The following DHRS3 variants were observed in gnomAD, a reference collection of about 807,000 sequenced individuals.
DHRS3 encodes the protein dehydrogenase/reductase 3, also known as short-chain dehydrogenase/reductase 3.
DHRS3 carries 14 observed loss-of-function variants against 27.2 expected under a neutral mutation model. The observed-to-expected ratio is 0.52, with a 90% CI of 0.34 to 0.81. The LOEUF is 0.81. Among genes scored for constraint, DHRS3 ranks in the 30% least tolerant of loss-of-function variants. The probability of loss-of-function intolerance (pLI) is 0.01; values close to 1 mark genes in which losing one functional copy is unlikely to be tolerated. For missense variants in DHRS3, 322 were observed against 406.2 expected (o/e 0.79, Z 1.78); for synonymous variants, 165 against 175.9 (o/e 0.94, Z 0.49).
At chr1:12,571,645 C>T (rs943837612) in intron 5 of DHRS3, among the ~76,000 whole-genome samples, 6 of 151,526 alleles carry the variant, frequency 4.0e-5, no homozygotes, top group Admixed American at 2.0e-4. Context: ...ATTTTCCTGC[C>T]TCAGCCTCCC....
chr1:12,595,345 C>T lies in DHRS3; in HGVS notation c.196-14679G>A, dbSNP rs553830698. ...GGCAGGAGGAGCCGCCAAGCCTCAGCGGGTCGGGCAGGAGGCTCCAGGAAG... is the reference window on the plus strand; with the variant it reads ...GGCAGGAGGAGCCGCCAAGCCTCAGTGGGTCGGGCAGGAGGCTCCAGGAAG... On this transcript the variant is annotated intron_variant, in intron 1 of 5. Coordinates refer to ENST00000616661, the MANE Select transcript of DHRS3 (RefSeq NM_004753.7). 9.2e-4 allele frequency among the ~76,000 whole-genome samples: 131 copies of T among 142,198 alleles called. 1 individual carries two copies. The highest frequency in any genetic ancestry group is 3.0e-3 in the African/African-American group (119 of 39,578). 93.3% of individuals were successfully genotyped at this position (142,198 alleles called of 152,430 possible).
rs568869153 is a variant in DHRS3 at position 12,577,155 on chromosome 1, G to A, written c.698+1563C>T. Among the ~76,000 whole-genome samples, 7 of 152,218 alleles carry A rather than the reference G, an allele frequency of 4.6e-5. No individual in the cohort carries two copies. The East Asian group carries it at 7.7e-4, about 17-fold the overall frequency. ...ATATATAATCAGAAGGTGAAGCACTGTACGCTGGATTGCAAAAAACCAGGG... is the reference window on the plus strand; with the variant it reads ...ATATATAATCAGAAGGTGAAGCACTATACGCTGGATTGCAAAAAACCAGGG... On this transcript the variant is annotated intron_variant, in intron 4 of 5. Coordinates refer to ENST00000616661, the MANE Select transcript of DHRS3 (RefSeq NM_004753.7).
intron 1 of DHRS3, among the ~76,000 whole-genome samples, chr1:12,582,723 A>T (rs1426007715): frequency 6.6e-6 from 1 of 151,822 alleles, no homozygotes; most frequent in Non-Finnish European, 1.5e-5. Context: ...CTCCCTTATC[A>T]TCCTGTGTAT....
At chr1:12,575,075 C>G (rs1646573298) in intron 4 of DHRS3, among the ~76,000 whole-genome samples, 1 of 152,124 alleles carries the variant, frequency 6.6e-6, no homozygotes, top group South Asian at 2.1e-4. Context: ...GCCTGTAACC[C>G]CAGCACTTTG....
intron 1 of DHRS3, among the ~76,000 whole-genome samples, chr1:12,584,245 T>A (rs1025325238): frequency 2.6e-5 from 4 of 151,952 alleles, no homozygotes; most frequent in African/African-American, 9.7e-5. Context: ...AGACAAGTGG[T>A]CACCCCAGCA....
At chr1:12,590,655 T>C (rs1167663319) in intron 1 of DHRS3, among the ~76,000 whole-genome samples, 4 of 151,090 alleles carry the variant, frequency 2.6e-5, no homozygotes, top group Admixed American at 1.3e-4. Flanking sequence ...AAAAAAAAAA[T>C]AGTTGGAATG....
At chr1:12,581,079 C>T (rs562861442) in intron 1 of DHRS3, among the ~76,000 whole-genome samples, 8 of 152,248 alleles carry the variant, frequency 5.3e-5, no homozygotes, top group Middle Eastern at 3.4e-3. Context: ...CCTCCCACCT[C>T]GGCCTCTCAA....
chr1:12,612,186 A>G (rs967701045), intron 1 of DHRS3, among the ~76,000 whole-genome samples: 1 of 152,170 alleles, frequency 6.6e-6, no homozygotes, highest in Non-Finnish European at 1.5e-5. Context: ...GCCTGCTTTC[A>G]GGCTGCACAG....
At chr1:12,611,368 C>G (rs1208893779) in intron 1 of DHRS3, among the ~76,000 whole-genome samples, 2 of 152,170 alleles carry the variant, frequency 1.3e-5, no homozygotes, top group African/African-American at 2.4e-5. Flanking sequence ...GTTTGACATG[C>G]TAGTCAGGGA....
intron 4 of DHRS3, among the ~76,000 whole-genome samples, chr1:12,576,710 T>G (rs938815616): frequency 6.6e-6 from 1 of 151,822 alleles, no homozygotes; most frequent in South Asian, 2.1e-4. Context: ...TAGTAGCCAT[T>G]AGTCTAGACT....
chr1:12,590,658 T>C (rs1452881671), intron 1 of DHRS3, among the ~76,000 whole-genome samples: 6 of 151,474 alleles, frequency 4.0e-5, no homozygotes, highest in Admixed American at 2.6e-4. Flanking sequence ...AAAAAAATAG[T>C]TGGAATGTGA....
At chr1:12,572,053 A>G (rs1646542681) in intron 5 of DHRS3, among the ~76,000 whole-genome samples, 1 of 152,240 alleles carries the variant, frequency 6.6e-6, no homozygotes, top group Admixed American at 6.5e-5. Context: ...TTGTTTTAGA[A>G]TACATAACTA....
chr1:12,569,215 C>CTCTCTCTCT (rs1398306746), intron 5 of DHRS3, among the ~76,000 whole-genome samples: 15 of 88,394 alleles, frequency 1.7e-4, no homozygotes, highest in African/African-American at 6.7e-4. Context: ...AAAACTCTGT[C>CTCTCTCTCT]CCCTCTCTCT....
intron 4 of DHRS3, among the ~76,000 whole-genome samples, chr1:12,575,084 T>G (rs902624130): frequency 6.6e-6 from 1 of 152,080 alleles, no homozygotes; most frequent in Admixed American, 6.5e-5. Context: ...CCCAGCACTT[T>G]GGGAGGCTGA....
chr1:12,603,889 C>T (rs1350399864), intron 1 of DHRS3, among the ~76,000 whole-genome samples: 1 of 152,200 alleles, frequency 6.6e-6, no homozygotes, highest in Non-Finnish European at 1.5e-5. Flanking sequence ...CTGAGCTTGC[C>T]CTGGCTTCAG....
chr1:12,586,638 C>A lies in DHRS3; in HGVS notation c.196-5972G>T, dbSNP rs1376743404. On this transcript the variant is annotated intron_variant, in intron 1 of 5. Transcript: ENST00000616661. The surrounding 1 kb of genome is among the most constrained non-coding windows in gnomAD (Gnocchi z 5.0). ...GTGGGATAAAGAATAAACAAGAAAA[C>A]CTCATTTGCATCGGGGAATTGACAA... is the stretch of plus-strand genomic sequence containing the variant. Among the ~76,000 whole-genome samples, 1 of 152,158 alleles carries A rather than the reference C, an allele frequency of 6.6e-6. No homozygotes were observed. The highest frequency in any genetic ancestry group is 1.5e-5 in the Non-Finnish European group (1 of 68,038).
chr1:12,599,572 G>A (rs1483479197), intron 1 of DHRS3, among the ~76,000 whole-genome samples: 1 of 152,224 alleles, frequency 6.6e-6, no homozygotes, highest in Non-Finnish European at 1.5e-5. Context: ...GGCTCTATGA[G>A]GTATGGCCCT....
In DHRS3 at chr1:12,594,049, C is replaced by A. The variant is rs1364483864; in HGVS notation, c.196-13383G>T. On this transcript the variant is annotated intron_variant, in intron 1 of 5. Transcript: ENST00000616661. This position sits in a 1 kb window ranked among gnomAD's most constrained non-coding sequence, Gnocchi z 4.1. ...TTTGCCCTTTTCCCCCACTGGACCTCTTGCTGGAAAGTGCTGGGTGACCTT... is the reference window on the plus strand; with the variant it reads ...TTTGCCCTTTTCCCCCACTGGACCTATTGCTGGAAAGTGCTGGGTGACCTT... Among the ~76,000 whole-genome samples the A allele has an allele frequency of 6.6e-6, 1 of 152,226 alleles. No individual in the cohort carries two copies. Among genetic ancestry groups the A allele is most frequent in the Non-Finnish European group, 1.5e-5 (1 of 68,042 alleles).
At chr1:12,575,981 A>G (rs992573827) in intron 4 of DHRS3, among the ~76,000 whole-genome samples, 8 of 151,908 alleles carry the variant, frequency 5.3e-5, no homozygotes, top group African/African-American at 1.2e-4. Context: ...TGCTGGGATT[A>G]CAGGCGTGAG....
Sources: allele counts gnomAD v4.1 joint callset (sites outside exome capture counted in the v4.1 genomes callset), GRCh38; gene constraint gnomAD v4.1.1; non-coding constraint Gnocchi (gnomAD v3.1); transcripts MANE v1.5; gene names NCBI Gene and HGNC (gene_info 2026-07-23, HGNC 2026-07-21).